The following CSMD1 variants were observed in gnomAD, a reference collection of about 807,000 sequenced individuals.
CSMD1 encodes the protein CUB and Sushi multiple domains 1, also known as CUB and sushi domain-containing protein 1.
A neutral mutation model predicts 417.5 loss-of-function variants in CSMD1; 213 were observed. The ratio of observed to expected loss-of-function variants is 0.51; its 90% CI spans 0.46 to 0.57. CSMD1 has a LOEUF of 0.57. CSMD1 is among the 20% of genes least tolerant of loss of function. The pLI, the probability that CSMD1 is intolerant of heterozygous loss-of-function variation, is 0.00. For synonymous variants in CSMD1, 2,862 were observed against 1,736.8 expected (o/e 1.65, Z -16.11); for missense variants, 6,923 against 4,529.7 (o/e 1.53, Z -15.17).
intron 5 of CSMD1, among the ~76,000 whole-genome samples, chr8:3,830,339 T>C (rs1242424678): frequency 2.0e-5 from 3 of 152,242 alleles, no homozygotes; most frequent in Non-Finnish European, 4.4e-5. Context: ...TGATTGGTCG[T>C]TGGTTCACAT....
intron 3 of CSMD1, among the ~76,000 whole-genome samples, chr8:4,188,456 CTT>C (rs2131204249): frequency 6.6e-6 from 1 of 152,158 alleles, no homozygotes; most frequent in South Asian, 2.1e-4. Flanking sequence ...GCCTGAGAAA[CTT>C]TATTTTGGAA....
intron 7 of CSMD1, among the ~76,000 whole-genome samples, chr8:3,644,416 G>A (rs1262245319): frequency 6.6e-6 from 1 of 152,204 alleles, no homozygotes; most frequent in Non-Finnish European, 1.5e-5. Context: ...CGCATTTACA[G>A]TTTCCTCACC....
chr8:4,017,142 T>A (rs781561256), intron 4 of CSMD1, among the ~76,000 whole-genome samples: 9 of 152,230 alleles, frequency 5.9e-5, no homozygotes, highest in South Asian at 4.1e-4. Context: ...ATTGTACATA[T>A]CTACCCCTGC....
chr8:2,949,566 C>T (rs980614701), intron 67 of CSMD1, among the ~76,000 whole-genome samples, 180 bp from the exon 68 acceptor site: 2 of 152,164 alleles, frequency 1.3e-5, no homozygotes, highest in Admixed American at 6.5e-5. Context: ...CAGAAACCAA[C>T]ACAGAAGTGA....
At chr8:3,460,246 T>C (rs1002415157) in intron 12 of CSMD1, among the ~76,000 whole-genome samples, 2 of 152,046 alleles carry the variant, frequency 1.3e-5, no homozygotes, top group Non-Finnish European at 2.9e-5. Context: ...GGTGAGTCCA[T>C]AGAAGAATGA....
At chr8:4,788,626 A>C (rs905345603) in intron 1 of CSMD1, 7 of 827,358 alleles carry the variant, frequency 8.5e-6, no homozygotes, top group Non-Finnish European at 1.3e-5. Flanking sequence ...AAAAACTACA[A>C]ATTTCTAATT....
intron 1 of CSMD1, among the ~76,000 whole-genome samples, chr8:4,729,331 T>G (rs1174198878): frequency 1.3e-5 from 2 of 152,210 alleles, no homozygotes; most frequent in Non-Finnish European, 2.9e-5. Context: ...TTTGTTGGTG[T>G]GGAAATTCTG....
At chr8:4,987,733 A>G (rs187910608) in intron 1 of CSMD1, among the ~76,000 whole-genome samples, 26 of 152,292 alleles carry the variant, frequency 1.7e-4, no homozygotes, top group African/African-American at 5.5e-4. Context: ...TGGGAGGGGC[A>G]GACCCTCCCT....
At chr8:3,495,610 C>G (rs903612174) in intron 10 of CSMD1, among the ~76,000 whole-genome samples, 2 of 152,198 alleles carry the variant, frequency 1.3e-5, no homozygotes, top group Admixed American at 1.3e-4. Flanking sequence ...CAGCCTTGGT[C>G]TTGCATAGAC....
At chr8:3,417,088 C>G (rs766891079) in intron 12 of CSMD1, among the ~76,000 whole-genome samples, 1 of 152,150 alleles carries the variant, frequency 6.6e-6, no homozygotes, top group African/African-American at 2.4e-5. Context: ...GCTTGCATTA[C>G]CAAATTTATT....
intron 25 of CSMD1, among the ~76,000 whole-genome samples, chr8:3,287,648 A>G (rs556325021): frequency 1.3e-5 from 2 of 152,270 alleles, no homozygotes; most frequent in African/African-American, 4.8e-5. Context: ...TTGCACATTG[A>G]TTTTGTATCC....
At chr8:4,365,822 G>C (rs1020475544) in intron 3 of CSMD1, among the ~76,000 whole-genome samples, 1 of 152,072 alleles carries the variant, frequency 6.6e-6, no homozygotes, top group African/African-American at 2.4e-5. Flanking sequence ...TTGATCTTTT[G>C]ACTTTTCTAG....
intron 7 of CSMD1, among the ~76,000 whole-genome samples, chr8:3,665,565 C>G (rs1039562423): frequency 2.6e-5 from 4 of 152,108 alleles, no homozygotes; most frequent in Admixed American, 2.0e-4. Flanking sequence ...TAATTAGTAT[C>G]TTGATTCCTT....
At chr8:3,094,410 T>C (rs911720512) in intron 47 of CSMD1, among the ~76,000 whole-genome samples, 1 of 152,176 alleles carries the variant, frequency 6.6e-6, no homozygotes, top group Non-Finnish European at 1.5e-5. Context: ...TGGCCAGTTT[T>C]AGGTATTCTT....
At chr8:3,245,542 G>A (rs1311703435) in intron 26 of CSMD1, among the ~76,000 whole-genome samples, 1 of 152,148 alleles carries the variant, frequency 6.6e-6, no homozygotes, top group Admixed American at 6.5e-5. Context: ...CTTTCCTTAG[G>A]ATCTGAGGCC....
intron 3 of CSMD1, among the ~76,000 whole-genome samples, chr8:4,300,493 C>A (rs142160239): frequency 2.0e-5 from 3 of 152,140 alleles, no homozygotes; most frequent in South Asian, 4.1e-4. Context: ...GTCTTCTTAA[C>A]GTTATTAACT....
chr8:4,666,916 A>G (rs1804973724), intron 1 of CSMD1, among the ~76,000 whole-genome samples: 1 of 152,150 alleles, frequency 6.6e-6, no homozygotes, highest in South Asian at 2.1e-4. Context: ...ACCTAATTAA[A>G]AAAAAAGTTC....
intron 5 of CSMD1, among the ~76,000 whole-genome samples, chr8:3,978,868 T>C (rs995786160): frequency 3.9e-5 from 6 of 152,184 alleles, no homozygotes; most frequent in African/African-American, 1.4e-4. Flanking sequence ...CCATTAGGTT[T>C]AATGAAAGGA....
intron 1 of CSMD1, among the ~76,000 whole-genome samples, chr8:4,755,310 G>C (rs887682298): frequency 6.6e-6 from 1 of 152,108 alleles, no homozygotes; most frequent in Non-Finnish European, 1.5e-5. Context: ...TATAGCACTT[G>C]ACAATCTTAT....
Sources: gnomAD v4.1 joint callset for allele counts (sites outside exome capture counted in the v4.1 genomes callset) on GRCh38, gnomAD v4.1.1 for gene constraint, MANE v1.5 for transcripts, NCBI Gene and HGNC (gene_info 2026-07-23, HGNC 2026-07-21) for gene names.